Variants in ERC2 observed in about 807,000 individuals in gnomAD.
The protein encoded by ERC2 is ERC protein 2.
Under a neutral mutation model 114.8 loss-of-function variants are expected in ERC2, and 42 were observed. The observed-to-expected ratio is 0.37, with a 90% CI of 0.29 to 0.47. The LOEUF (loss-of-function observed/expected upper bound fraction) is 0.47, where lower values mean the gene tolerates loss of function less well. Among genes scored for constraint, ERC2 ranks in the 20% least tolerant of loss-of-function variants. The pLI, the probability that ERC2 is intolerant of heterozygous loss-of-function variation, is 0.99. For synonymous variants in ERC2, 454 were observed against 425.5 expected, an observed-to-expected ratio of 1.07 and a Z score of -0.82; for missense variants, 939 against 1,150.7, an observed-to-expected ratio of 0.82 and a Z score of 2.66.
intron 14 of ERC2, among the ~76,000 whole-genome samples, chr3:55,846,311 T>A (rs1382075683): frequency 6.6e-6 from 1 of 152,236 alleles, no homozygotes; most frequent in Non-Finnish European, 1.5e-5. Flanking sequence ...TCCATGTTCC[T>A]GCAAAGGATA....
chr3:55,608,081 A>G (rs79123063), intron 17 of ERC2, among the ~76,000 whole-genome samples: 12,379 of 152,214 alleles, frequency 0.081, 649 homozygotes, highest in African/African-American at 0.15. Flanking sequence ...TTGCATTACG[A>G]AAGAGACCAC....
intron 6 of ERC2, among the ~76,000 whole-genome samples, chr3:56,136,994 G>C (rs2080546558): frequency 6.6e-6 from 1 of 152,150 alleles, no homozygotes; most frequent in African/African-American, 2.4e-5. Flanking sequence ...TTGAACATGG[G>C]ACGGAAGCTA....
chr3:55,850,961 C>G (rs535164919), intron 14 of ERC2, among the ~76,000 whole-genome samples: 1 of 151,730 alleles, frequency 6.6e-6, no homozygotes, highest in East Asian at 2.0e-4. Flanking sequence ...CCTGACTTCC[C>G]CTGGGACTTG....
chr3:55,991,981 C>A, intron 11 of ERC2, 76 bp downstream of exon 11: 1 of 1,325,318 alleles, frequency 7.5e-7, no homozygotes. Context: ...AGTCCAAATC[C>A]ACCACAACCG....
intron 3 of ERC2, among the ~76,000 whole-genome samples, chr3:56,287,979 C>A (rs2054832902): frequency 6.6e-6 from 1 of 152,182 alleles, no homozygotes; most frequent in African/African-American, 2.4e-5. Context: ...TTCTCTGAGT[C>A]TCCATGTCCT....
chr3:55,789,475 C>T (rs1200573442), intron 14 of ERC2, among the ~76,000 whole-genome samples: 8 of 152,198 alleles, frequency 5.3e-5, no homozygotes, highest in Admixed American at 5.2e-4. Context: ...TCCCAAGTCT[C>T]TTAGCAAATT....
At chr3:56,449,058 G>A (rs1339573235) in intron 1 of ERC2, among the ~76,000 whole-genome samples, 4 of 137,572 alleles carry the variant, frequency 2.9e-5, no homozygotes, top group Admixed American at 7.7e-5. Flanking sequence ...CTGGGCAACA[G>A]AGCGAGACTC....
At chr3:55,758,585 T>A (rs1369117236) in intron 14 of ERC2, among the ~76,000 whole-genome samples, 2 of 152,198 alleles carry the variant, frequency 1.3e-5, no homozygotes, top group East Asian at 3.8e-4. Context: ...TTTGACAACT[T>A]TCTAACTTAG....
intron 4 of ERC2, 113 bp downstream of exon 4, chr3:56,173,333 G>A (rs1212522172): frequency 1.0e-6 from 1 of 972,992 alleles, no homozygotes; most frequent in East Asian, 2.5e-5. Flanking sequence ...AAAGCATCCA[G>A]CAGGGTGCCT....
At chr3:55,986,973 T>TA (rs2070689147) in intron 11 of ERC2, among the ~76,000 whole-genome samples, 1 of 151,866 alleles carries the variant, frequency 6.6e-6, no homozygotes, top group Non-Finnish European at 1.5e-5. Context: ...TTCCATACTA[T>TA]AAAAAAGTAG....
chr3:56,229,458 C>A (rs9844806), intron 3 of ERC2, among the ~76,000 whole-genome samples: 1 of 152,082 alleles, frequency 6.6e-6, no homozygotes, highest in Non-Finnish European at 1.5e-5. Context: ...AATATCCAAC[C>A]GGAATGGAAC....
chr3:55,659,540 C>T (rs1470045228), intron 17 of ERC2, among the ~76,000 whole-genome samples: 2 of 152,040 alleles, frequency 1.3e-5, no homozygotes, highest in Admixed American at 6.6e-5. Flanking sequence ...CTGTGCTCCA[C>T]TCACTCCCCT....
intron 3 of ERC2, among the ~76,000 whole-genome samples, chr3:56,238,099 C>A (rs1223890716): frequency 6.6e-6 from 1 of 152,120 alleles, no homozygotes; most frequent in African/African-American, 2.4e-5. Context: ...CATGACAAAC[C>A]CCAAAATGCA....
At chr3:55,837,492 A>T (rs970244588) in intron 14 of ERC2, among the ~76,000 whole-genome samples, 15 of 151,632 alleles carry the variant, frequency 9.9e-5, no homozygotes, top group African/African-American at 3.6e-4. Flanking sequence ...TTCTCAGCAA[A>T]CTGTCGCAAG....
At chr3:56,013,223 G>T (rs2073076675) in intron 8 of ERC2, among the ~76,000 whole-genome samples, 1 of 152,202 alleles carries the variant, frequency 6.6e-6, no homozygotes, top group African/African-American at 2.4e-5. Flanking sequence ...TCCCTAGGAT[G>T]CCATAATCCA....
At chr3:56,182,356 CAACA>C (rs979767193) in intron 3 of ERC2, among the ~76,000 whole-genome samples, 3 of 152,154 alleles carry the variant, frequency 2.0e-5, no homozygotes, top group Non-Finnish European at 4.4e-5. Flanking sequence ...AGTAGGCGCT[CAACA>C]AACACTGATG....
intron 2 of ERC2, among the ~76,000 whole-genome samples, chr3:56,428,287 G>C (rs1436311262): frequency 6.6e-6 from 1 of 152,120 alleles, no homozygotes; most frequent in African/African-American, 2.4e-5. Context: ...TTTGGAGGCT[G>C]AGGCGGGCGG....
intron 7 of ERC2, among the ~76,000 whole-genome samples, chr3:56,021,554 TA>T (rs2073713473): frequency 6.6e-6 from 1 of 151,792 alleles, no homozygotes; most frequent in Admixed American, 6.6e-5. Flanking sequence ...CATATTTATT[TA>T]TTTTTTTAAT....
chr3:56,367,263 C>CCTT (rs1560682480), intron 2 of ERC2, among the ~76,000 whole-genome samples: 4 of 143,106 alleles, frequency 2.8e-5, no homozygotes, highest in African/African-American at 1.1e-4. Context: ...CAATGGGCAG[C>CCTT]ATTTTTTTTT....
Sources: allele counts gnomAD v4.1 joint callset (sites outside exome capture counted in the v4.1 genomes callset), GRCh38; gene constraint gnomAD v4.1.1; transcripts MANE v1.5; gene names NCBI Gene and HGNC (gene_info 2026-07-23, HGNC 2026-07-21).